The following C14orf93 variants were observed in gnomAD, a reference collection of about 807,000 sequenced individuals.
The protein encoded by C14orf93 is uncharacterized protein C14orf93.
A neutral mutation model predicts 44.0 loss-of-function variants in C14orf93; 23 were observed. The ratio of observed to expected loss-of-function variants is 0.52; its 90% CI spans 0.38 to 0.74. The LOEUF (loss-of-function observed/expected upper bound fraction) is 0.74, where lower values mean the gene tolerates loss of function less well. C14orf93 is among the 30% of genes least tolerant of loss of function. C14orf93 has a pLI of 0.00. For synonymous variants in C14orf93, 253 were observed against 265.7 expected (o/e 0.95, Z 0.46); for missense variants, 579 against 678.9 (o/e 0.85, Z 1.64).
rs1225804304 is a variant in C14orf93 at position 22,991,337 on chromosome 14, G to A, written c.919-1210C>T. Among the ~76,000 whole-genome samples the A allele has an allele frequency of 5.4e-5, 8 of 148,686 alleles. 1 individual carries two copies. Among genetic ancestry groups the A allele is most frequent in the Non-Finnish European group, 7.4e-5 (5 of 67,294 alleles). On this transcript the variant is annotated intron_variant, in intron 3 of 6. Coordinates refer to ENST00000299088, the MANE Select transcript of C14orf93 (RefSeq NM_021944.4). ...CAGCTCACTGCATCCTCCGCCTCCC[G>A]GGTTCAAGCAATTCTCCTGCCTCAG...
chr14:22,988,134 C>CTTT (rs376906084), intron 5 of C14orf93, 119 bp from the exon 6 acceptor site: 26 of 463,108 alleles, frequency 5.6e-5, no homozygotes, highest in Non-Finnish European at 8.7e-5. Flanking sequence ...TAGATGAGGG[C>CTTT]TTTTTTTTTT....
chr14:23,002,095 G>A (rs1335306914), intron 1 of C14orf93, among the ~76,000 whole-genome samples: 29 of 148,046 alleles, frequency 2.0e-4, no homozygotes, highest in Admixed American at 7.4e-4. Flanking sequence ...CTTGCAGTGA[G>A]CCGAGATCGC....
chr14:23,001,603 C>T (rs1015781609), intron 1 of C14orf93, among the ~76,000 whole-genome samples: 11 of 151,874 alleles, frequency 7.2e-5, no homozygotes, highest in African/African-American at 2.4e-4. Flanking sequence ...TAGCTGGGAT[C>T]ACAGACACGT....
intron 3 of C14orf93, 56 bp from the exon 4 acceptor site, chr14:22,990,183 TC>T (rs1466252237): frequency 3.4e-6 from 5 of 1,476,764 alleles, no homozygotes; most frequent in Non-Finnish European, 4.7e-6. Flanking sequence ...ATGAAAACTC[TC>T]CTCTGGTCCC....
In C14orf93 at chr14:22,998,494, G is replaced by A; in HGVS notation, c.530C>T (p.Thr177Ile). 6.2e-7 allele frequency: 1 copy of A among 1,611,640 alleles called. No homozygotes were observed. The highest frequency in any genetic ancestry group is 8.5e-7 in the Non-Finnish European group (1 of 1,179,346). ...VGPGPLGFPATQRDMRLPGCT... is the reference protein window; with the variant it reads ...VGPGPLGFPAIQRDMRLPGCT... ...CCCTGGGAGCCGCATGTCCCTCTGA[G>A]TTGCTGGGAAGCCCAAAGGCCCAGG... The change falls in exon 2 of 7, where the codon ACT becomes ATT. Residue 177 changes from threonine to isoleucine, a missense_variant. Physicochemically the swap from Thr to Ile is moderately conservative, Grantham distance 89 (BLOSUM62 -1). Transcript: ENST00000299088.
Position 22,987,934 on chromosome 14 carries a change from T to C in C14orf93, c.1166A>G (p.Glu389Gly). ...TCGGCGACTTCGAAGTTTCTTCTCC[T>C]CTTTTTCCTTCAGGCCTTTAAAGGG... Reference protein sequence around the residue: ...LNPFKGLKEKEEKKLRSRRYR... With the variant: ...LNPFKGLKEKGEKKLRSRRYR... Residue 389 changes from glutamate to glycine, a missense_variant, in exon 6 of 7, where the codon GAG (glutamate) becomes GGG (glycine). By Grantham distance (98) the Glu-to-Gly change is moderately conservative. Transcript: ENST00000299088. This position sits in a 1 kb window ranked among gnomAD's most constrained non-coding sequence, Gnocchi z 5.6. 1 of 1,614,072 alleles carries C rather than the reference T, an allele frequency of 6.2e-7. No homozygotes were observed. The highest frequency in any genetic ancestry group is 1.1e-5 in the South Asian group (1 of 91,072).
At chr14:22,997,155 T>G (rs922231869) in intron 2 of C14orf93, among the ~76,000 whole-genome samples, 1 of 152,104 alleles carries the variant, frequency 6.6e-6, no homozygotes, top group Non-Finnish European at 1.5e-5. Context: ...CTGGTACCTT[T>G]CTGCCTCCCA....
At chr14:23,009,651 T>TG (rs34785297) in intron 1 of C14orf93, among the ~76,000 whole-genome samples, 3 of 151,976 alleles carry the variant, frequency 2.0e-5, no homozygotes, top group East Asian at 1.9e-4. Context: ...GTTTTGGTTC[T>TG]GGGGGGGTGG....
chr14:22,990,135 GA>G lies in C14orf93; in HGVS notation c.919-9del, dbSNP rs1490656318. On this transcript the variant is annotated splice_polypyrimidine_tract_variant and intron_variant, in intron 3 of 6. Transcript: ENST00000299088. Reference sequence around the variant, plus strand: ...CACATTGTGGACCAGTTTCTAGGAGGAAAAAAAGAAAACACAATCAAGCCAA... The same window carrying G: ...CACATTGTGGACCAGTTTCTAGGAGGAAAAAAGAAAACACAATCAAGCCAA... 6.2e-7 allele frequency: 1 copy of G among 1,607,852 alleles called. No individual in the cohort carries two copies. The highest frequency in any genetic ancestry group is 8.5e-7 in the Non-Finnish European group (1 of 1,176,552).
In C14orf93 at chr14:22,990,114, T is replaced by G; in HGVS notation, c.932A>C (p.Asn311Thr). The change falls in exon 4 of 7, where the codon AAT (asparagine) becomes ACT (threonine). Residue 311 changes from asparagine to threonine, a missense_variant. Asn to Thr is a moderately conservative substitution (Grantham distance 65). Coordinates refer to ENST00000299088, the MANE Select transcript of C14orf93 (RefSeq NM_021944.4). Reference protein sequence around the residue: ...RDLVLSKLVHNVHNHITNDKR... With the variant: ...RDLVLSKLVHTVHNHITNDKR... ...GTCATTGGTGATGTGGTTATGCACA[T>G]TGTGGACCAGTTTCTAGGAGGAAAA... The G allele has an allele frequency of 6.2e-7, 1 of 1,613,578 alleles. No homozygotes were observed. Among genetic ancestry groups the G allele is most frequent in the African/African-American group, 1.3e-5 (1 of 75,024 alleles).
intron 3 of C14orf93, among the ~76,000 whole-genome samples, chr14:22,995,511 C>A (rs1044718685): frequency 1.3e-5 from 2 of 151,904 alleles, no homozygotes; most frequent in South Asian, 2.1e-4. Context: ...AAAACCTGGT[C>A]TCTACTGAAA....
At position 22,999,227 on chromosome 14, in the gene C14orf93, G is replaced by C; in HGVS notation, c.-204C>G. 1 of 688,328 alleles carries C rather than the reference G, an allele frequency of 1.5e-6. No individual in the cohort carries two copies. Among genetic ancestry groups the C allele is most frequent in the Non-Finnish European group, 2.3e-6 (1 of 437,844 alleles). 42.6% of individuals were successfully genotyped at this position (688,328 alleles called of 1,614,324 possible). A position where few individuals can be genotyped will look rare whatever the true frequency, so the allele number is the denominator to read the frequency against. On this transcript the variant is annotated 5_prime_UTR_variant, in exon 2 of 7. Coordinates refer to ENST00000299088, the MANE Select transcript of C14orf93 (RefSeq NM_021944.4). ...GGCGGCCTCTCCTCGGCCTGCAGAA[G>C]GGAGACAGGTGCCTTCTATTTGCAG...
intron 1 of C14orf93, among the ~76,000 whole-genome samples, chr14:23,008,051 G>A (rs2046718118): frequency 6.6e-6 from 1 of 151,512 alleles, no homozygotes; most frequent in South Asian, 2.1e-4. Flanking sequence ...TACTCGGGAG[G>A]CCGAGACAGG....
At chr14:23,006,133 T>C (rs1280616384) in intron 1 of C14orf93, 1 of 152,208 alleles carries the variant, frequency 6.6e-6, no homozygotes, top group East Asian at 1.9e-4. Context: ...ATTCATATCA[T>C]AATCTTCATT....
chr14:23,005,763 A>AT (rs1189795683), intron 1 of C14orf93: 2 of 152,164 alleles, frequency 1.3e-5, no homozygotes, highest in Non-Finnish European at 2.9e-5. Flanking sequence ...TACTTTTGGT[A>AT]TTTTTCATAA....
At chr14:22,998,300 G>A in intron 2 of C14orf93, 127 bp downstream of exon 2, 1 of 1,266,982 alleles carries the variant, frequency 7.9e-7, no homozygotes, top group Non-Finnish European at 1.1e-6. Context: ...AGGAAACGTG[G>A]TACTGTTTTG....
rs1431123810 is a variant in C14orf93 at position 22,996,824 on chromosome 14, C to T, written c.598-556G>A. 2.0e-5 allele frequency among the ~76,000 whole-genome samples: 3 copies of T among 152,172 alleles called. No homozygotes were observed. The East Asian group carries it at 5.8e-4, about 29-fold the overall frequency. On this transcript the variant is annotated intron_variant, in intron 2 of 6. Transcript: ENST00000299088. The surrounding 1 kb of genome is among the most constrained non-coding windows in gnomAD (Gnocchi z 4.1). The stretch of plus-strand genomic sequence containing the variant: ...TCCTGCCCCGGCCACATTCGACTGT[C>T]ATAGCCCCTGACATCTACCTGACTG...
intron 3 of C14orf93, among the ~76,000 whole-genome samples, chr14:22,991,528 A>C (rs994004739): frequency 6.8e-6 from 1 of 147,420 alleles, no homozygotes; most frequent in Non-Finnish European, 1.5e-5. Context: ...TACAGGTGTG[A>C]GCCACCGCAC....
At chr14:22,992,852 G>A (rs1345781152) in intron 3 of C14orf93, among the ~76,000 whole-genome samples, 3 of 151,296 alleles carry the variant, frequency 2.0e-5, no homozygotes, top group African/African-American at 7.3e-5. Context: ...CAAAGTGCTG[G>A]GATTACAGGC....
Sources: gnomAD v4.1 joint callset for allele counts (sites outside exome capture counted in the v4.1 genomes callset) on GRCh38, gnomAD v4.1.1 for gene constraint, Gnocchi (gnomAD v3.1) non-coding constraint, MANE v1.5 for transcripts, NCBI Gene and HGNC (gene_info 2026-07-23, HGNC 2026-07-21) for gene names.